The following LHFPL3 variants were observed in gnomAD, a reference collection of about 807,000 sequenced individuals.
The protein encoded by LHFPL3 is LHFPL tetraspan subfamily member 3.
In LHFPL3, 5 loss-of-function variants were observed where a neutral mutation model predicts 19.3. That is an observed-to-expected ratio of 0.26 (90% CI 0.14 to 0.54). The LOEUF (loss-of-function observed/expected upper bound fraction) is 0.54. Ranked by LOEUF, LHFPL3 falls within the 20% of genes least tolerant of loss-of-function variation. The pLI is 0.94. For synonymous variants in LHFPL3, 133 were observed against 126.2 expected (o/e 1.05, Z -0.36); for missense variants, 249 against 307.4 (o/e 0.81, Z 1.42).
Position 104,510,387 on chromosome 7 carries a change from G to C in LHFPL3, c.445+181163G>C, listed in dbSNP as rs146138269. ...GTATTGGTGGAGGGACAGACACACA[G>C]ATCAATGGAACAAAATAGAGAACCC... On this transcript the variant is annotated intron_variant, in intron 1 of 2. Coordinates refer to ENST00000424859, the MANE Select transcript of LHFPL3 (RefSeq NM_199000.3). Among the ~76,000 whole-genome samples, 552 of 152,190 alleles carry C rather than the reference G, an allele frequency of 3.6e-3. 4 individuals are homozygous for C. The highest frequency in any genetic ancestry group is 0.013 in the African/African-American group (526 of 41,542).
At chr7:104,703,352 CA>C (rs879614694) in intron 1 of LHFPL3, among the ~76,000 whole-genome samples, 1 of 152,132 alleles carries the variant, frequency 6.6e-6, no homozygotes, top group African/African-American at 2.4e-5. Context: ...TAACAAATTT[CA>C]AAAAAAGTTT....
chr7:104,607,235 C>A (rs976817960), intron 1 of LHFPL3, among the ~76,000 whole-genome samples: 3 of 152,194 alleles, frequency 2.0e-5, no homozygotes, highest in Non-Finnish European at 2.9e-5. Context: ...TTAGCTTCGG[C>A]CTATGCCCAG....
At chr7:104,384,639 TAGCC>T (rs997085513) in intron 1 of LHFPL3, among the ~76,000 whole-genome samples, 8 of 150,646 alleles carry the variant, frequency 5.3e-5, no homozygotes, top group Non-Finnish European at 1.2e-4. Context: ...AAAAACAAAT[TAGCC>T]AGGCATGGTG....
chr7:104,620,670 C>CCA (rs397804026), intron 1 of LHFPL3, among the ~76,000 whole-genome samples: 3 of 152,140 alleles, frequency 2.0e-5, no homozygotes, highest in African/African-American at 4.8e-5. Context: ...CTTTTCCCCC[C>CCA]AGTGATTTCC....
At chr7:104,367,329 C>CTGTAAACA (rs1425901265) in intron 1 of LHFPL3, among the ~76,000 whole-genome samples, 4 of 152,166 alleles carry the variant, frequency 2.6e-5, no homozygotes, top group African/African-American at 9.7e-5. Context: ...AACATCAGGG[C>CTGTAAACA]AGCCCTTGTA....
chr7:104,567,018 C>T (rs1205813821), intron 1 of LHFPL3, among the ~76,000 whole-genome samples: 1 of 152,186 alleles, frequency 6.6e-6, no homozygotes, highest in Non-Finnish European at 1.5e-5. Context: ...TAATTCTTGG[C>T]AAACTTGGCT....
chr7:104,840,474 C>CTTTTTTTTTTTTTTTTT, intron 2 of LHFPL3, among the ~76,000 whole-genome samples: 1 of 65,540 alleles, frequency 1.5e-5, no homozygotes, highest in Non-Finnish European at 2.7e-5. Context: ...TTTTCTTTTC[C>CTTTTTTTTTTTTTTTTT]TTTTTTTTTT....
At chr7:104,426,930 C>T (rs938669898) in intron 1 of LHFPL3, among the ~76,000 whole-genome samples, 8 of 152,014 alleles carry the variant, frequency 5.3e-5, no homozygotes, top group Non-Finnish European at 1.0e-4. Flanking sequence ...CACTGCCACC[C>T]GCCCAACCCC....
chr7:104,633,088 A>G (rs1355744909), intron 1 of LHFPL3, among the ~76,000 whole-genome samples: 1 of 152,212 alleles, frequency 6.6e-6, no homozygotes, highest in Non-Finnish European at 1.5e-5. Flanking sequence ...ATGACAGTTG[A>G]TGATGAGGAA....
At chr7:104,410,826 T>C (rs144180647) in intron 1 of LHFPL3, among the ~76,000 whole-genome samples, 1 of 152,340 alleles carries the variant, frequency 6.6e-6, no homozygotes, top group Non-Finnish European at 1.5e-5. Flanking sequence ...TTAGTAAACA[T>C]GTAAATTAAA....
chr7:104,474,415 A>G (rs968573814), intron 1 of LHFPL3, among the ~76,000 whole-genome samples: 3 of 152,096 alleles, frequency 2.0e-5, no homozygotes, highest in Admixed American at 2.0e-4. Context: ...CTGTAATCCC[A>G]GCACTTTGGG....
chr7:104,510,489 A>T (rs1319549591), intron 1 of LHFPL3, among the ~76,000 whole-genome samples: 1 of 152,184 alleles, frequency 6.6e-6, no homozygotes, highest in Non-Finnish European at 1.5e-5. Context: ...GGACATTCCT[A>T]GGCATAAAAA....
intron 2 of LHFPL3, among the ~76,000 whole-genome samples, chr7:104,868,309 T>C (rs1343194897): frequency 6.6e-6 from 1 of 152,228 alleles, no homozygotes; most frequent in East Asian, 1.9e-4. Context: ...GCAGATGACA[T>C]GATTGTATGT....
chr7:104,663,034 T>C (rs1262919414), intron 1 of LHFPL3, among the ~76,000 whole-genome samples: 1 of 152,212 alleles, frequency 6.6e-6, no homozygotes, highest in Non-Finnish European at 1.5e-5. Context: ...GTGCTGGGCA[T>C]TTAAAAAAAT....
At chr7:104,616,127 G>GA (rs1791333003) in intron 1 of LHFPL3, among the ~76,000 whole-genome samples, 1 of 152,172 alleles carries the variant, frequency 6.6e-6, no homozygotes, top group South Asian at 2.1e-4. Flanking sequence ...CACAGAATTA[G>GA]AAAAAACTAT....
intron 1 of LHFPL3, among the ~76,000 whole-genome samples, chr7:104,367,498 A>G (rs1263733944): frequency 6.6e-6 from 1 of 152,222 alleles, no homozygotes; most frequent in African/African-American, 2.4e-5. Flanking sequence ...CCTAGCATTA[A>G]TGTTGGGTCA....
chr7:104,733,184 G>A (rs930597481), intron 1 of LHFPL3, among the ~76,000 whole-genome samples: 1 of 152,184 alleles, frequency 6.6e-6, no homozygotes, highest in Non-Finnish European at 1.5e-5. Context: ...GTGGTGCTGA[G>A]AAAAATGTAT....
intron 1 of LHFPL3, among the ~76,000 whole-genome samples, chr7:104,619,791 A>G (rs146003131): frequency 5.3e-5 from 8 of 152,184 alleles, no homozygotes; most frequent in East Asian, 1.9e-4. Context: ...GTAGTCCCCA[A>G]TCTTTTTGGC....
chr7:104,390,326 A>T (rs949479885), intron 1 of LHFPL3, among the ~76,000 whole-genome samples: 6 of 151,782 alleles, frequency 4.0e-5, no homozygotes, highest in Non-Finnish European at 8.8e-5. Flanking sequence ...TCCTAATGCT[A>T]TCCCTCCCCC....
Sources: gnomAD v4.1 joint callset for allele counts (sites outside exome capture counted in the v4.1 genomes callset) on GRCh38, gnomAD v4.1.1 for gene constraint, MANE v1.5 for transcripts, NCBI Gene and HGNC (gene_info 2026-07-23, HGNC 2026-07-21) for gene names.